Variants in KCNT2 observed in about 807,000 individuals in gnomAD.
KCNT2 encodes the protein potassium channel subfamily T member 2.
KCNT2 carries 67 observed loss-of-function variants against 153.8 expected under a neutral mutation model. That is an observed-to-expected ratio of 0.44 (90% CI 0.36 to 0.53). The LOEUF (loss-of-function observed/expected upper bound fraction) is 0.53. KCNT2 is among the 20% of genes least tolerant of loss of function. The pLI is 0.00. For missense variants in KCNT2, 975 were observed against 1,354.8 expected (o/e 0.72, Z 4.40); for synonymous variants, 500 against 458.8 (o/e 1.09, Z -1.15).
At chr1:196,266,746 G>A (rs2147811882) in intron 25 of KCNT2, among the ~76,000 whole-genome samples, 1 of 152,202 alleles carries the variant, frequency 6.6e-6, no homozygotes, top group South Asian at 2.1e-4. Flanking sequence ...AATGGAGGCT[G>A]GTAGTAGATC....
At chr1:196,484,952 T>C (rs1365941825) in intron 3 of KCNT2, among the ~76,000 whole-genome samples, 1 of 152,050 alleles carries the variant, frequency 6.6e-6, no homozygotes, top group Non-Finnish European at 1.5e-5. Flanking sequence ...ACTGGGTATA[T>C]AACCAAAGGA....
intron 1 of KCNT2, among the ~76,000 whole-genome samples, chr1:196,553,118 G>A (rs1371383357): frequency 1.3e-5 from 2 of 151,140 alleles, no homozygotes; most frequent in Non-Finnish European, 3.0e-5. Flanking sequence ...AAAAGACACA[G>A]AGTGCCTGAA....
chr1:196,498,210 G>A lies in KCNT2; in HGVS notation c.96-5869C>T, dbSNP rs1016823856. Among the ~76,000 whole-genome samples, 21 of 151,946 alleles carry A rather than the reference G, an allele frequency of 1.4e-4. 1 individual carries two copies. Among genetic ancestry groups the A allele is most frequent in the Admixed American group, 9.8e-4 (15 of 15,262 alleles). The stretch of plus-strand genomic sequence containing the variant: ...ATTCAATAAATTTAAATCAGGCCTC[G>A]TCATTTTAATAACAGGAAAAATAAT... On this transcript the variant is annotated intron_variant, in intron 1 of 27. Transcript: ENST00000294725.
intron 26 of KCNT2, chr1:196,257,724 T>C: frequency 1.0e-6 from 1 of 983,786 alleles, no homozygotes; most frequent in Non-Finnish European, 1.2e-6. Flanking sequence ...GCTTCAAAAT[T>C]AAAGTTTTTG....
Position 196,228,269 on chromosome 1 carries a change from G to A in KCNT2, c.3363C>T (p.Ile1121=), listed in dbSNP as rs1431999097. The part of the protein sequence containing the change: ...PNSEPSRRNS[I]CNVTGQDSRE... The stretch of plus-strand genomic sequence containing the variant: ...GAGAATCTTGACCAGTGACATTGCA[G>A]ATGCTGTTTCTTCGACTGGGCTCAC... Residue 1121 remains isoleucine, a synonymous_variant, in exon 28 of 28, where the codon ATC becomes ATT. Transcript: ENST00000294725. 6.2e-7 allele frequency: 1 copy of A among 1,611,848 alleles called. No individual in the cohort carries two copies. Among genetic ancestry groups the A allele is most frequent in the Admixed American group, 1.7e-5 (1 of 59,820 alleles).
chr1:196,476,440 T>G (rs1284804651), intron 5 of KCNT2, among the ~76,000 whole-genome samples: 5 of 152,170 alleles, frequency 3.3e-5, no homozygotes, highest in Non-Finnish European at 5.9e-5. Flanking sequence ...CAGGACATAT[T>G]TATAGTGCAC....
chr1:196,583,744 G>A (rs1662337957), intron 1 of KCNT2, among the ~76,000 whole-genome samples: 1 of 151,896 alleles, frequency 6.6e-6, no homozygotes, highest in African/African-American at 2.4e-5. Context: ...GACCTGGCAT[G>A]AAAAAGATCA....
chr1:196,454,725 G>T (rs554626712), intron 8 of KCNT2, among the ~76,000 whole-genome samples: 1 of 150,804 alleles, frequency 6.6e-6, no homozygotes, highest in South Asian at 2.1e-4. Flanking sequence ...ATTGCTGCAG[G>T]AAAAAAAAAT....
chr1:196,502,960 A>G (rs1484276285), intron 1 of KCNT2, among the ~76,000 whole-genome samples: 1 of 152,106 alleles, frequency 6.6e-6, no homozygotes, highest in Non-Finnish European at 1.5e-5. Flanking sequence ...CCCCCTGCCC[A>G]ACTGTATGAG....
rs546462566 is a variant in KCNT2, at chr1:196,422,666, C to T, written c.1185+384G>A. On this transcript the variant is annotated intron_variant, in intron 12 of 27. Transcript: ENST00000294725. ...ATCTTGAATAGAAGGTTCTCAAATG[C>T]ATAGTTTTGAGAAACTCTCCAATTG... Among the ~76,000 whole-genome samples the T allele has an allele frequency of 1.5e-3, 221 of 151,878 alleles. 1 individual carries two copies. Among genetic ancestry groups the T allele is most frequent in the African/African-American group, 5.1e-3 (213 of 41,498 alleles).
chr1:196,577,014 T>C (rs1412457461), intron 1 of KCNT2, among the ~76,000 whole-genome samples: 1 of 152,208 alleles, frequency 6.6e-6, no homozygotes, highest in Admixed American at 6.5e-5. Flanking sequence ...GAATAGAAAA[T>C]AAAATTTCAA....
intron 1 of KCNT2, among the ~76,000 whole-genome samples, chr1:196,537,881 TTCTTTACGGTGTGAACCCAGG>T (rs1655801728): frequency 6.6e-6 from 1 of 152,202 alleles, no homozygotes; most frequent in South Asian, 2.1e-4. Context: ...CACCTTCCCC[TTCTTTACGGTGTGAACCCAGG>T]TCTGCATTCA....
intron 12 of KCNT2, among the ~76,000 whole-genome samples, chr1:196,406,144 G>A (rs1056881845): frequency 4.0e-5 from 6 of 151,374 alleles, no homozygotes; most frequent in African/African-American, 1.2e-4. Context: ...TATGTAGACT[G>A]TTAAAAAGTA....
At chr1:196,445,030 T>C (rs1037812211) in intron 8 of KCNT2, among the ~76,000 whole-genome samples, 2 of 151,376 alleles carry the variant, frequency 1.3e-5, no homozygotes, top group Non-Finnish European at 3.0e-5. Context: ...TACAACCTAC[T>C]TTTCTTTTTG....
chr1:196,598,237 T>C (rs552799563), intron 1 of KCNT2, among the ~76,000 whole-genome samples: 129 of 152,300 alleles, frequency 8.5e-4, no homozygotes, highest in Non-Finnish European at 1.6e-3. Context: ...ATTCACTTGC[T>C]TTTTCATATT....
chr1:196,257,347 C>G, intron 26 of KCNT2: 1 of 979,802 alleles, frequency 1.0e-6, no homozygotes, highest in Non-Finnish European at 1.2e-6. Flanking sequence ...AAGAACATTG[C>G]CTCATGTTGA....
chr1:196,511,060 T>C (rs542896689), intron 1 of KCNT2, among the ~76,000 whole-genome samples: 1 of 150,852 alleles, frequency 6.6e-6, no homozygotes, highest in South Asian at 2.1e-4. Context: ...CCCCCCACCC[T>C]AAAGGAAGCA....
At chr1:196,265,708 A>T (rs1352801500) in intron 25 of KCNT2, among the ~76,000 whole-genome samples, 1 of 152,196 alleles carries the variant, frequency 6.6e-6, no homozygotes, top group Non-Finnish European at 1.5e-5. Context: ...AAAAGGAGAT[A>T]GCTCATGTGT....
chr1:196,549,151 T>C (rs1657554116), intron 1 of KCNT2, among the ~76,000 whole-genome samples: 1 of 151,942 alleles, frequency 6.6e-6, no homozygotes, highest in Admixed American at 6.6e-5. Context: ...ACTTAAAGTA[T>C]GATAAAAAAA....
Sources: gnomAD v4.1 joint callset for allele counts (sites outside exome capture counted in the v4.1 genomes callset) on GRCh38, gnomAD v4.1.1 for gene constraint, MANE v1.5 for transcripts, NCBI Gene and HGNC (gene_info 2026-07-23, HGNC 2026-07-21) for gene names.